Variants in SGSH observed in about 807,000 individuals in gnomAD.
SGSH encodes the protein heparan sulfate sulfatase.
A neutral mutation model predicts 51.0 loss-of-function variants in SGSH; 48 were observed. The observed-to-expected ratio is 0.94, with a 90% CI of 0.75 to 1.20. The LOEUF (loss-of-function observed/expected upper bound fraction) is 1.20. SGSH is among the 50% of genes most tolerant of loss of function. The probability of loss-of-function intolerance (pLI) is 0.00; values close to 1 mark genes in which losing one functional copy is unlikely to be tolerated. For synonymous variants in SGSH, 321 were observed against 313.4 expected, an observed-to-expected ratio of 1.02 and a Z score of -0.26; for missense variants, 662 against 717.8, an observed-to-expected ratio of 0.92 and a Z score of 0.89.
chr17:80,211,011 T>G lies in SGSH; in HGVS notation c.950A>C (p.Asp317Ala). 2 of 1,598,174 alleles carry G rather than the reference T, an allele frequency of 1.3e-6. No homozygotes were observed. The highest frequency in any genetic ancestry group is 1.7e-6 in the Non-Finnish European group (2 of 1,179,730). Residue 317 changes from aspartate to alanine, a missense_variant and splice_region_variant, in exon 8 of 8, where the codon GAC becomes GCC. By Grantham distance (126) the Asp-to-Ala change is moderately radical. Coordinates refer to ENST00000326317, the MANE Select transcript of SGSH (RefSeq NM_000199.5). ...CCAATCCAAGATGGTGGGCGTGAGG[T>G]CTGGAAGGGACGCGGCATCTCAGAG... ...QVSEAYVSLL[D>A]LTPTILDWFS...
At chr17:80,201,651 C>A in the SGSH span, 1 of 1,384,596 alleles carries the variant, frequency 7.2e-7, no homozygotes, top group Non-Finnish European at 1.0e-6. The surrounding 1 kb of genome is among the most constrained non-coding windows in gnomAD (Gnocchi z 5.0). Context: ...AGGGCTGGCC[C>A]GCGCCTCGCC....
chr17:80,202,382 G>A (rs759018513), downstream of SGSH: 2 of 1,613,196 alleles, frequency 1.2e-6, no homozygotes, highest in South Asian at 2.2e-5. Context: ...ACACCATGAA[G>A]GATACTGCCG....
downstream of SGSH, chr17:80,203,983 T>A: frequency 9.6e-7 from 1 of 1,045,490 alleles, no homozygotes; most frequent in Non-Finnish European, 1.4e-6. This position sits in a 1 kb window ranked among gnomAD's most constrained non-coding sequence, Gnocchi z 4.6. Context: ...GAGAGTGGGC[T>A]GCTGATTGGA....
intron 1 of SGSH, among the ~76,000 whole-genome samples, chr17:80,218,882 C>T (rs1372334039): frequency 3.9e-5 from 6 of 151,968 alleles, no homozygotes; most frequent in Non-Finnish European, 7.4e-5. Context: ...AAGAGAGGGC[C>T]GGGTGCAGTG....
At position 80,210,370 on chromosome 17, in the gene SGSH, C is replaced by T. The variant is rs2041585626; in HGVS notation, c.*82G>A. ...GGACGGAAGGGCTGTTGCCACTACT[C>T]CCCAGGCTGGCCGGCCACACGGACA... On this transcript the variant is annotated 3_prime_UTR_variant, in exon 8 of 8. Transcript: ENST00000326317. 1 of 1,477,796 alleles carries T rather than the reference C, an allele frequency of 6.8e-7. No homozygotes were observed. The highest frequency in any genetic ancestry group is 9.0e-7 in the Non-Finnish European group (1 of 1,114,168). 91.5% of individuals were successfully genotyped at this position (1,477,796 alleles called of 1,614,324 possible).
chr17:80,207,065 G>T, downstream of SGSH: 1 of 1,613,536 alleles, frequency 6.2e-7, no homozygotes, highest in Non-Finnish European at 8.5e-7. Flanking sequence ...CTGTCAACGA[G>T]AAGATGGCAA....
chr17:80,219,034 C>T (rs1369253205), intron 1 of SGSH, among the ~76,000 whole-genome samples: 1 of 151,906 alleles, frequency 6.6e-6, no homozygotes, highest in Non-Finnish European at 1.5e-5. Context: ...GTGATGTGCA[C>T]TTGAGGTCCC....
chr17:80,210,767 G>C lies in SGSH; in HGVS notation c.1194C>G (p.Ile398Met). The change falls in exon 8 of 8, where the codon ATC (isoleucine) becomes ATG (methionine). Residue 398 changes from isoleucine to methionine, a missense_variant. Transcript: ENST00000326317. ...TGGGTGAGACGTAGAAGTCCTGGTCGATGGGAAAGGGCATCTTGAAGTTGA... is the reference window on the plus strand; with the variant it reads ...TGGGTGAGACGTAGAAGTCCTGGTCCATGGGAAAGGGCATCTTGAAGTTGA... ...HNLNFKMPFP[I>M]DQDFYVSPTF... The C allele has an allele frequency of 6.2e-7, 1 of 1,614,080 alleles. No individual in the cohort carries two copies. Among genetic ancestry groups the C allele is most frequent in the South Asian group, 1.1e-5 (1 of 91,084 alleles).
chr17:80,212,252 C>T lies in SGSH; in HGVS notation c.768G>A (p.Glu256=). 1 of 1,610,964 alleles carries T rather than the reference C, an allele frequency of 6.2e-7. No homozygotes were observed. The change falls in exon 7 of 8, where the codon GAG becomes GAA. Residue 256 remains glutamate (E), a synonymous_variant. Coordinates refer to ENST00000326317, the MANE Select transcript of SGSH (RefSeq NM_000199.5). The surrounding 1 kb of genome is among the most constrained non-coding windows in gnomAD (Gnocchi z 5.9). ...CGTTCAGGACACCGGCGTCACGCAG[C>T]TCCTGGAGCACCAGTCCAACTCCTG... ...MDQGVGLVLQ[E]LRDAGVLNDT...
rs202150579 is a variant in SGSH, at chr17:80,210,885, G to A, written c.1076C>T (p.Ala359Val). The A allele has an allele frequency of 4.9e-5, 79 of 1,612,762 alleles. No individual in the cohort carries two copies. The African/African-American group carries it at 7.3e-4, about 15-fold the overall frequency. ...GTGGCTCTGGCTGCCAAAGACGGTGGCCCAGAGGGGCTCGGCCTCCAGCGC... is the reference window on the plus strand; with the variant it reads ...GTGGCTCTGGCTGCCAAAGACGGTGACCCAGAGGGGCTCGGCCTCCAGCGC... Reference protein sequence around the residue: ...LPALEAEPLWATVFGSQSHHE... With the variant: ...LPALEAEPLWVTVFGSQSHHE... The change falls in exon 8 of 8, where the codon GCC becomes GTC. Residue 359 changes from alanine to valine, a missense_variant. Physicochemically the swap from Ala to Val is moderately conservative, Grantham distance 64. Coordinates refer to ENST00000326317, the MANE Select transcript of SGSH (RefSeq NM_000199.5).
At position 80,210,299 on chromosome 17, in the gene SGSH, AAG is replaced by A; in HGVS notation, c.*151_*152del. On this transcript the variant is annotated 3_prime_UTR_variant, in exon 8 of 8. Coordinates refer to ENST00000326317, the MANE Select transcript of SGSH (RefSeq NM_000199.5). The stretch of plus-strand genomic sequence containing the variant: ...CTCTGGTCCCCCTCCAGGCAATGGC[AAG>A]AGTGACCCCACAGGAAGGAAGAACC... The A allele has an allele frequency of 7.0e-7, 1 of 1,436,436 alleles. No individual in the cohort carries two copies. Among genetic ancestry groups the A allele is most frequent in the Non-Finnish European group, 9.1e-7 (1 of 1,098,984 alleles). 89.0% of individuals were successfully genotyped at this position (1,436,436 alleles called of 1,614,324 possible). A position where few individuals can be genotyped will look rare whatever the true frequency, so the allele number is the denominator to read the frequency against.
rs140890040 is a variant in SGSH at position 80,214,940 on chromosome 17, G to A, written c.355+93C>T. The A allele has an allele frequency of 6.1e-6, 8 of 1,307,002 alleles. No individual in the cohort carries two copies. In the African/African-American group the frequency reaches 7.3e-5, roughly 12 times the overall value. 81.0% of individuals were successfully genotyped at this position (1,307,002 alleles called of 1,614,324 possible). On this transcript the variant is annotated intron_variant, in intron 3 of 7. Coordinates refer to ENST00000326317, the MANE Select transcript of SGSH (RefSeq NM_000199.5). ...GAGCTAAGGGCAGGCCACGGGGGCT[G>A]AGCGTGCCTTGGTACAAGGTGCCGA...
At position 80,212,557 on chromosome 17, in the gene SGSH, G is replaced by A; in HGVS notation, c.746-283C>T. On this transcript the variant is annotated intron_variant, in intron 6 of 7. Transcript: ENST00000326317. The surrounding 1 kb of genome is among the most constrained non-coding windows in gnomAD (Gnocchi z 5.9). ...CCCAGGCAGCTGCTCCCTGGTGCCC[G>A]CCGGCTTTTGAGTTCTCCGGAATCT... The A allele has an allele frequency of 8.0e-6, 4 of 502,914 alleles. No homozygotes were observed. The highest frequency in any genetic ancestry group is 1.5e-5 in the Non-Finnish European group (4 of 274,406). The allele number at this position is 502,914 out of a possible 1,614,324, so 31.2% of individuals were successfully genotyped here. A position where few individuals can be genotyped will look rare whatever the true frequency, so the allele number is the denominator to read the frequency against.
chr17:80,220,302 G>T lies in SGSH; in HGVS notation c.12C>A (p.Pro4=), dbSNP rs921772690. Residue 4 remains proline, a synonymous_variant, in exon 1 of 8, where the codon CCC becomes CCA. Coordinates refer to ENST00000326317, the MANE Select transcript of SGSH (RefSeq NM_000199.5). ...GCAGCAGCGCGCAGCAGGCGGGCAC[G>T]GGGCAGCTCATGGCGGCGGCGGCTC... MSC[P]VPACCALLLV... 3 of 1,505,830 alleles carry T rather than the reference G, an allele frequency of 2.0e-6. No homozygotes were observed. The Admixed American group carries it at 6.2e-5, about 31-fold the overall frequency. The allele number at this position is 1,505,830 out of a possible 1,614,324, so 93.3% of individuals were successfully genotyped here.
At position 80,210,275 on chromosome 17, in the gene SGSH, T is replaced by G. The variant is rs2041581182; in HGVS notation, c.*177A>C. On this transcript the variant is annotated 3_prime_UTR_variant, in exon 8 of 8. Coordinates refer to ENST00000326317, the MANE Select transcript of SGSH (RefSeq NM_000199.5). ...CTGGGCACATGCTCTGGTCACATGC[T>G]CTGGTCCCCCTCCAGGCAATGGCAA... is the stretch of plus-strand genomic sequence containing the variant. The G allele has an allele frequency of 2.1e-6, 3 of 1,432,758 alleles. No individual in the cohort carries two copies. The highest frequency in any genetic ancestry group is 2.7e-6 in the Non-Finnish European group (3 of 1,097,910). 88.8% of individuals were successfully genotyped at this position (1,432,758 alleles called of 1,614,324 possible).
chr17:80,203,774 T>C, downstream of SGSH: 1 of 1,492,856 alleles, frequency 6.7e-7, no homozygotes, highest in Non-Finnish European at 9.1e-7. The surrounding 1 kb of genome is among the most constrained non-coding windows in gnomAD (Gnocchi z 4.6). Context: ...CCTGCCCTGC[T>C]CACCTGGCAG....
In SGSH at chr17:80,209,468, G is replaced by A; in HGVS notation, c.*984C>T. The A allele has an allele frequency of 1.0e-6, 1 of 985,604 alleles. No homozygotes were observed. Among genetic ancestry groups the A allele is most frequent in the South Asian group, 4.7e-5 (1 of 21,298 alleles). The allele number at this position is 985,604 out of a possible 1,614,324, so 61.1% of individuals were successfully genotyped here. On this transcript the variant is annotated 3_prime_UTR_variant, in exon 8 of 8. Transcript: ENST00000326317. The stretch of plus-strand genomic sequence containing the variant: ...CGAGGGGTGTCCAGGCCGGGCTTCT[G>A]CTCCCGAGGTGGGTGGAGGCAGGGC...
chr17:80,220,138 T>C (rs2042092207), intron 1 of SGSH, 88 bp downstream of exon 1: 9 of 939,900 alleles, frequency 9.6e-6, no homozygotes, highest in Non-Finnish European at 9.3e-6. Flanking sequence ...CACACTAGGG[T>C]CAGCATTGAC....
At chr17:80,214,574 A>G in intron 4 of SGSH, 41 bp downstream of exon 4, 1 of 1,591,714 alleles carries the variant, frequency 6.3e-7, no homozygotes, top group Non-Finnish European at 8.6e-7. Context: ...GTGCTCTGGT[A>G]CCGGCCGCCA....
Sources: gnomAD v4.1 joint callset for allele counts (sites outside exome capture counted in the v4.1 genomes callset) on GRCh38, gnomAD v4.1.1 for gene constraint, Gnocchi (gnomAD v3.1) non-coding constraint, MANE v1.5 for transcripts, NCBI Gene and HGNC (gene_info 2026-07-23, HGNC 2026-07-21) for gene names.